ARHGAP30: variants seen among roughly 807,000 people sequenced by gnomAD.
The protein encoded by ARHGAP30 is rho GTPase-activating protein 30.
Under a neutral mutation model 72.0 loss-of-function variants are expected in ARHGAP30, and 23 were observed. The observed-to-expected ratio is 0.32, with a 90% CI of 0.23 to 0.45. The LOEUF (loss-of-function observed/expected upper bound fraction) is 0.45, where lower values mean the gene tolerates loss of function less well. Ranked by LOEUF, ARHGAP30 falls within the 20% of genes least tolerant of loss-of-function variation. The probability of loss-of-function intolerance (pLI) is 1.00; values close to 1 mark genes in which losing one functional copy is unlikely to be tolerated. For missense variants in ARHGAP30, 1,319 were observed against 1,383.4 expected (o/e 0.95, Z 0.74); for synonymous variants, 576 against 528.2 (o/e 1.09, Z -1.24).
chr1:161,062,764 C>T (rs1652412648), intron 1 of ARHGAP30, among the ~76,000 whole-genome samples: 1 of 151,820 alleles, frequency 6.6e-6, no homozygotes, highest in Non-Finnish European at 1.5e-5. Context: ...TTAAACATAA[C>T]CTCCAATTCC....
chr1:161,059,982 T>C (rs1557930801), intron 1 of ARHGAP30, among the ~76,000 whole-genome samples: 1 of 152,178 alleles, frequency 6.6e-6, no homozygotes, highest in African/African-American at 2.4e-5. Context: ...TCTGCCTTTG[T>C]TAAAGTGAAA....
At position 161,051,537 on chromosome 1, in the gene ARHGAP30, C is replaced by T; in HGVS notation, c.1197G>A (p.Gly399=). The change falls in exon 10 of 12, where the codon GGG becomes GGA. Residue 399 remains glycine (G), a synonymous_variant. Transcript: ENST00000368013. The stretch of plus-strand genomic sequence containing the variant: ...CACAGCGTTCTGCACGGCTGCTGCC[C>T]CCAGCCCGGATGGCTGACCGCCCAG... ...PRAGRSAIRA[G]GSSRAERCAG... 1 of 1,614,216 alleles carries T rather than the reference C, an allele frequency of 6.2e-7. No homozygotes were observed.
Position 161,053,493 on chromosome 1 carries a change from TCTCTCTCTCTCTC to T in ARHGAP30, c.537-121_537-109del, listed in dbSNP as rs1557923690. On this transcript the variant is annotated intron_variant, in intron 5 of 11. Transcript: ENST00000368013. ...CTCTCTCTCTCTCTCTCTCTCTCTC[TCTCTCTCTCTCTC>T]GAATGACCTTAACCCCTTCTCTACC... 7.2e-3 allele frequency: 6,813 copies of T among 946,134 alleles called. 123 individuals carry two copies. In the African/African-American group the frequency reaches 0.16, roughly 22 times the overall value. 58.6% of individuals were successfully genotyped at this position (946,134 alleles called of 1,614,324 possible). A position where few individuals can be genotyped will look rare whatever the true frequency, so the allele number is the denominator to read the frequency against.
chr1:161,064,771 A>G (rs1442718655), intron 1 of ARHGAP30, among the ~76,000 whole-genome samples: 1 of 103,498 alleles, frequency 9.7e-6, no homozygotes, highest in Admixed American at 1.1e-4. Context: ...GAAAGAAAGA[A>G]AGAAAGAAAA....
At chr1:161,059,767 C>A in intron 1 of ARHGAP30, 51 bp from the exon 2 acceptor site, 2 of 1,495,074 alleles carry the variant, frequency 1.3e-6, no homozygotes, top group South Asian at 2.4e-5. Context: ...TCTGGGTGGT[C>A]AAAGACTGCA....
intron 1 of ARHGAP30, among the ~76,000 whole-genome samples, chr1:161,061,016 T>G (rs17384360): frequency 0.22 from 33,712 of 151,076 alleles, 4,565 homozygotes; most frequent in Middle Eastern, 0.3. Flanking sequence ...GGACTTATCT[T>G]AAAAGTGCAT....
In ARHGAP30 at chr1:161,051,528, G is replaced by C; in HGVS notation, c.1206C>G (p.Ser402Arg). 1.2e-6 allele frequency: 2 copies of C among 1,614,230 alleles called. No homozygotes were observed. Among genetic ancestry groups the C allele is most frequent in the African/African-American group, 2.7e-5 (2 of 75,080 alleles). The change falls in exon 10 of 12, where the codon AGC (serine) becomes AGG (arginine). Residue 402 changes from serine (S) to arginine (R), a missense_variant. Physicochemically the swap from Ser to Arg is moderately radical, Grantham distance 110. Transcript: ENST00000368013. ...GRSAIRAGGS[S>R]RAERCAGVHI... ...GGACACCAGCACAGCGTTCTGCACG[G>C]CTGCTGCCCCCAGCCCGGATGGCTG...
chr1:161,065,649 C>A (rs906067548), intron 1 of ARHGAP30, among the ~76,000 whole-genome samples: 7 of 151,582 alleles, frequency 4.6e-5, no homozygotes, highest in Non-Finnish European at 7.4e-5. Context: ...TCACTGCAAC[C>A]TCCGCCTCCC....
chr1:161,060,257 G>A (rs1319509569), intron 1 of ARHGAP30: 1 of 424,434 alleles, frequency 2.4e-6, no homozygotes, highest in African/African-American at 2.3e-5. Context: ...GTAACAGAGT[G>A]AGACCCTGTT....
At chr1:161,050,086 C>G (rs1651239178) in intron 10 of ARHGAP30, among the ~76,000 whole-genome samples, 1 of 152,156 alleles carries the variant, frequency 6.6e-6, no homozygotes, top group Non-Finnish European at 1.5e-5. Flanking sequence ...ACTATCCTAT[C>G]CTGCCTCAGG....
At position 161,069,873 on chromosome 1, in the gene ARHGAP30, G is replaced by A. The variant is rs1653051400; in HGVS notation, c.-249C>T. 1 of 551,644 alleles carries A rather than the reference G, an allele frequency of 1.8e-6. No individual in the cohort carries two copies. Among genetic ancestry groups the A allele is most frequent in the Non-Finnish European group, 3.3e-6 (1 of 305,936 alleles). 34.2% of individuals were successfully genotyped at this position (551,644 alleles called of 1,614,324 possible). A position where few individuals can be genotyped will look rare whatever the true frequency, so the allele number is the denominator to read the frequency against. On this transcript the variant is annotated 5_prime_UTR_variant, in exon 1 of 12. The change creates a new upstream start codon in the 5' untranslated region. Transcript: ENST00000368013. This position sits in a 1 kb window ranked among gnomAD's most constrained non-coding sequence, Gnocchi z 4.9. ...GGCAAGAAATTGTGTCCTGTGTCTC[G>A]TGGCCCAGCCTGGCACTCGCCCTCC... is the stretch of plus-strand genomic sequence containing the variant.
chr1:161,059,081 T>G (rs1383232777), intron 2 of ARHGAP30, among the ~76,000 whole-genome samples: 1 of 151,854 alleles, frequency 6.6e-6, no homozygotes, highest in East Asian at 2.0e-4. Flanking sequence ...CAGGCTGGAG[T>G]GCAGTGGCGC....
chr1:161,052,224 A>G, intron 9 of ARHGAP30, 62 bp downstream of exon 9: 1 of 1,582,392 alleles, frequency 6.3e-7, no homozygotes. Context: ...GCATGTACAC[A>G]CAAGCCCACG....
chr1:161,059,807 C>A (rs1345925062), intron 1 of ARHGAP30, 91 bp from the exon 2 acceptor site: 1 of 1,063,358 alleles, frequency 9.4e-7, no homozygotes, highest in Non-Finnish European at 1.4e-6. Context: ...TTTGGGGAGA[C>A]CACGACGAGC....
rs768337789 is a variant in ARHGAP30, at chr1:161,048,374, A to G, written c.2647T>C (p.Ser883Pro). The G allele has an allele frequency of 1.9e-6, 3 of 1,614,128 alleles. No homozygotes were observed. Among genetic ancestry groups the G allele is most frequent in the Non-Finnish European group, 2.5e-6 (3 of 1,180,024 alleles). ...TGTGGGGCTACCTCTTCCATCTCAG[A>G]AGAGTGAGGATTGCCCTCTTTGGCA... ...DCAKEGNPHS[S>P]EMEEVAPQPP... Residue 883 changes from serine to proline, a missense_variant, in exon 12 of 12, where the codon TCT (serine) becomes CCT (proline). By Grantham distance (74) the Ser-to-Pro change is moderately conservative. This residue lies in a region of ARHGAP30 where 1,097 missense variants were observed against 1,045.2 expected (regional missense o/e 1.05). Coordinates refer to ENST00000368013, the MANE Select transcript of ARHGAP30 (RefSeq NM_001025598.2).
rs768190395 is a variant in ARHGAP30, at chr1:161,047,168, G to A, written c.*547C>T. The A allele has an allele frequency of 3.7e-5, 10 of 268,078 alleles. No individual in the cohort carries two copies. The highest frequency in any genetic ancestry group is 7.3e-5 in the Non-Finnish European group (9 of 123,894). The allele number at this position is 268,078 out of a possible 1,614,324, so 16.6% of individuals were successfully genotyped here. ...GCAGAGGGTGGGGAGCTGGAGAGGAGTCCAGTCCCTCCAACAAATATTGAG... is the reference window on the plus strand; with the variant it reads ...GCAGAGGGTGGGGAGCTGGAGAGGAATCCAGTCCCTCCAACAAATATTGAG... On this transcript the variant is annotated 3_prime_UTR_variant, in exon 12 of 12. Transcript: ENST00000368013.
intron 10 of ARHGAP30, among the ~76,000 whole-genome samples, chr1:161,051,012 T>A (rs1218864613): frequency 1.3e-5 from 2 of 152,266 alleles, no homozygotes; most frequent in Non-Finnish European, 2.9e-5. Context: ...CCCATCCATC[T>A]ATTATATATT....
Position 161,049,251 on chromosome 1 carries a change from G to T in ARHGAP30, c.1770C>A (p.Ser590=), listed in dbSNP as rs17854840. 1.2e-6 allele frequency: 2 copies of T among 1,614,084 alleles called. No homozygotes were observed. The highest frequency in any genetic ancestry group is 2.2e-5 in the South Asian group (2 of 91,076). ...AQFVLAPSCC[S]LDSAGPRPEV... Reference sequence around the variant, plus strand: ...CAGGCCTGGGGCCAGCGGAGTCCAGGGAACAGCAGCTGGGGGCCAAGACAA... The same window carrying T: ...CAGGCCTGGGGCCAGCGGAGTCCAGTGAACAGCAGCTGGGGGCCAAGACAA... Residue 590 remains serine (S), a synonymous_variant, in exon 12 of 12, where the codon TCC becomes TCA. Transcript: ENST00000368013.
In ARHGAP30 at chr1:161,048,724, C is replaced by G; in HGVS notation, c.2297G>C (p.Gly766Ala). The change falls in exon 12 of 12, where the codon GGA (glycine) becomes GCA (alanine). Residue 766 changes from glycine to alanine, a missense_variant. Physicochemically the swap from Gly to Ala is moderately conservative, Grantham distance 60. Transcript: ENST00000368013. The part of the protein sequence containing the change: ...EQREEAQVEA[G>A]RDLEQGAQED... ...CTGGGCCCCTTGCTCTAGGTCCCTT[C>G]CAGCTTCTACCTGGGCTTCCTCTCT... The G allele has an allele frequency of 1.2e-6, 2 of 1,614,108 alleles. No individual in the cohort carries two copies. The highest frequency in any genetic ancestry group is 8.5e-7 in the Non-Finnish European group (1 of 1,180,004).
Sources: gnomAD v4.1 joint callset for allele counts (sites outside exome capture counted in the v4.1 genomes callset) on GRCh38, gnomAD v4.1.1 for gene constraint, gnomAD v4.1.1 regional missense constraint, Gnocchi (gnomAD v3.1) non-coding constraint, MANE v1.5 for transcripts, NCBI Gene and HGNC (gene_info 2026-07-23, HGNC 2026-07-21) for gene names.